The following SHISA6 variants were observed in gnomAD, a reference collection of about 807,000 sequenced individuals.
SHISA6 encodes shisa family member 6.
A neutral mutation model predicts 47.9 loss-of-function variants in SHISA6; 22 were observed. That is an observed-to-expected ratio of 0.46 (90% CI 0.33 to 0.66). The LOEUF (loss-of-function observed/expected upper bound fraction) is 0.66, where lower values mean the gene tolerates loss of function less well. Ranked by LOEUF, SHISA6 falls within the 30% of genes least tolerant of loss-of-function variation. The pLI, the probability that SHISA6 is intolerant of heterozygous loss-of-function variation, is 0.02. For synonymous variants in SHISA6, 388 were observed against 337.8 expected (o/e 1.15, Z -1.63); for missense variants, 680 against 764.6 (o/e 0.89, Z 1.30).
At chr17:11,323,515 G>C (rs545525927) in intron 2 of SHISA6, among the ~76,000 whole-genome samples, 1 of 152,008 alleles carries the variant, frequency 6.6e-6, no homozygotes, top group East Asian at 1.9e-4. Context: ...TTAACCGGAC[G>C]TGGTGGCGCA....
At chr17:11,501,583 G>T (rs1400478689) in intron 3 of SHISA6, among the ~76,000 whole-genome samples, 1 of 152,252 alleles carries the variant, frequency 6.6e-6, no homozygotes, top group South Asian at 2.1e-4. Context: ...AGGCTGCTGG[G>T]CAGGCAGTTG....
chr17:11,464,530 C>T (rs1380745403), intron 3 of SHISA6, among the ~76,000 whole-genome samples: 1 of 152,222 alleles, frequency 6.6e-6, no homozygotes, highest in Non-Finnish European at 1.5e-5. Flanking sequence ...TGTCTATACA[C>T]ACCCACGTCC....
At chr17:11,391,659 C>T (rs926939588) in intron 3 of SHISA6, among the ~76,000 whole-genome samples, 5 of 152,142 alleles carry the variant, frequency 3.3e-5, no homozygotes, top group African/African-American at 9.7e-5. Flanking sequence ...TTATGGATTT[C>T]GTGCTCCCCA....
intron 1 of SHISA6, among the ~76,000 whole-genome samples, chr17:11,248,044 G>C (rs1055070621): frequency 2.0e-5 from 3 of 152,118 alleles, no homozygotes; most frequent in Admixed American, 6.5e-5. Flanking sequence ...AAAGTGCTGG[G>C]ATTACAGGTG....
intron 3 of SHISA6, among the ~76,000 whole-genome samples, chr17:11,524,503 C>CTT (rs548959000): frequency 1.2e-3 from 176 of 140,876 alleles, no homozygotes; most frequent in African/African-American, 4.3e-3. Flanking sequence ...TTTCTTTTTT[C>CTT]TTTTTTTTTT....
At chr17:11,260,037 C>T (rs1355880667) in intron 1 of SHISA6, among the ~76,000 whole-genome samples, 6 of 152,074 alleles carry the variant, frequency 3.9e-5, no homozygotes, top group African/African-American at 9.7e-5. Flanking sequence ...GTGAATGCAT[C>T]GAGAAATTAT....
intron 3 of SHISA6, among the ~76,000 whole-genome samples, chr17:11,448,250 G>C (rs746263023): frequency 6.6e-6 from 1 of 152,072 alleles, no homozygotes; most frequent in African/African-American, 2.4e-5. Flanking sequence ...CGATAAAGAG[G>C]CTGGGTGTGG....
chr17:11,451,649 C>T (rs1160447806), intron 3 of SHISA6, among the ~76,000 whole-genome samples: 6 of 152,168 alleles, frequency 3.9e-5, no homozygotes, highest in African/African-American at 1.2e-4. Context: ...CACATGAACA[C>T]GAATGCACAT....
chr17:11,524,064 G>C lies in SHISA6; in HGVS notation c.896-27832G>C, dbSNP rs144278130. On this transcript the variant is annotated intron_variant, in intron 3 of 5. Coordinates refer to ENST00000441885, the MANE Select transcript of SHISA6 (RefSeq NM_207386.4). ...GAAAGAAAGAAAAAGAAGAAAGAAAGAAAGATGAAAGAAAGAAAAAGAAAG... is the reference window on the plus strand; with the variant it reads ...GAAAGAAAGAAAAAGAAGAAAGAAACAAAGATGAAAGAAAGAAAAAGAAAG... Among the ~76,000 whole-genome samples, 302 of 150,374 alleles carry C rather than the reference G, an allele frequency of 2.0e-3. 4 individuals are homozygous for C. Among genetic ancestry groups the C allele is most frequent in the African/African-American group, 7.1e-3 (290 of 40,772 alleles).
chr17:11,374,772 G>A (rs1478493843), intron 2 of SHISA6, among the ~76,000 whole-genome samples: 1 of 151,774 alleles, frequency 6.6e-6, no homozygotes, highest in African/African-American at 2.4e-5. Flanking sequence ...AGTAGTAATA[G>A]TAGTACTTAA....
chr17:11,395,482 A>G (rs1597491833), intron 3 of SHISA6, among the ~76,000 whole-genome samples: 1 of 148,508 alleles, frequency 6.7e-6, no homozygotes, highest in East Asian at 2.0e-4. Context: ...TAGGTATGCT[A>G]TCATATTATA....
intron 2 of SHISA6, among the ~76,000 whole-genome samples, chr17:11,337,183 TG>T (rs1354132129): frequency 1.3e-5 from 2 of 152,072 alleles, no homozygotes; most frequent in Non-Finnish European, 2.9e-5. Context: ...GTAGTTTATA[TG>T]GGAGAGGATC....
chr17:11,437,330 T>C (rs1053518948), intron 3 of SHISA6, among the ~76,000 whole-genome samples: 2 of 151,960 alleles, frequency 1.3e-5, no homozygotes, highest in Non-Finnish European at 2.9e-5. Flanking sequence ...GATTTGAGAG[T>C]GAGGCATAAA....
intron 2 of SHISA6, among the ~76,000 whole-genome samples, chr17:11,266,670 T>G (rs1193488025): frequency 2.0e-5 from 3 of 152,206 alleles, no homozygotes; most frequent in Non-Finnish European, 2.9e-5. Flanking sequence ...AAACACTGAC[T>G]GTTAGCCATG....
intron 3 of SHISA6, among the ~76,000 whole-genome samples, chr17:11,479,004 C>T (rs1057220027): frequency 3.3e-5 from 5 of 152,014 alleles, no homozygotes; most frequent in East Asian, 1.9e-4. Flanking sequence ...GAATCAATAT[C>T]GTGAAAATGG....
At chr17:11,289,414 AAGGTT>A (rs1055950909) in intron 2 of SHISA6, 10 of 152,028 alleles carry the variant, frequency 6.6e-5, no homozygotes, top group African/African-American at 2.4e-4. Flanking sequence ...ATTTGAAATC[AAGGTT>A]ATGCTAGCTT....
chr17:11,274,147 C>A (rs1908787426), intron 2 of SHISA6, among the ~76,000 whole-genome samples: 1 of 152,154 alleles, frequency 6.6e-6, no homozygotes, highest in African/African-American at 2.4e-5. Flanking sequence ...CCAGAAAGGA[C>A]CCATCCCCTG....
chr17:11,477,958 T>C (rs1392486119), intron 3 of SHISA6, among the ~76,000 whole-genome samples: 1 of 127,738 alleles, frequency 7.8e-6, no homozygotes, highest in East Asian at 2.2e-4. Context: ...CTGGGTCAAA[T>C]GGTATTTCCA....
chr17:11,415,089 AAAG>A (rs1429514842), intron 3 of SHISA6, among the ~76,000 whole-genome samples: 2 of 151,956 alleles, frequency 1.3e-5, no homozygotes, highest in Non-Finnish European at 2.9e-5. Flanking sequence ...AAAAAAAAAA[AAAG>A]AAAGAAAGAA....
Sources: allele counts gnomAD v4.1 joint callset (sites outside exome capture counted in the v4.1 genomes callset), GRCh38; gene constraint gnomAD v4.1.1; transcripts MANE v1.5; gene names NCBI Gene and HGNC (gene_info 2026-07-23, HGNC 2026-07-21).